The following SRP72 variants were observed in gnomAD, a reference collection of about 807,000 sequenced individuals.
SRP72 encodes signal recognition particle 72.
In SRP72, 49 loss-of-function variants were observed where a neutral mutation model predicts 96.3. The observed-to-expected ratio is 0.51, with a 90% CI of 0.40 to 0.65. The LOEUF is 0.65. Among genes scored for constraint, SRP72 ranks in the 30% least tolerant of loss-of-function variants. The pLI is 0.00. For synonymous variants in SRP72, 267 were observed against 275.2 expected, an observed-to-expected ratio of 0.97 and a Z score of 0.30; for missense variants, 736 against 793.3, an observed-to-expected ratio of 0.93 and a Z score of 0.87.
At chr4:56,482,784 G>A (rs2110121154) in intron 8 of SRP72, among the ~76,000 whole-genome samples, 1 of 152,222 alleles carries the variant, frequency 6.6e-6, no homozygotes, top group South Asian at 2.1e-4. Context: ...CTCAAAACAA[G>A]CAATTAATAG....
At chr4:56,472,385 T>G (rs4865104) in intron 3 of SRP72, among the ~76,000 whole-genome samples, 53,537 of 148,008 alleles carry the variant, frequency 0.36, 10,314 homozygotes, top group East Asian at 0.66. Flanking sequence ...TCTCTCTGTT[T>G]CCCAGGCTGG....
chr4:56,472,622 C>A (rs935649853), intron 3 of SRP72, among the ~76,000 whole-genome samples: 8 of 152,078 alleles, frequency 5.3e-5, no homozygotes, highest in African/African-American at 1.4e-4. Context: ...ACTGGGATTA[C>A]AGGTGTAAGC....
intron 16 of SRP72, among the ~76,000 whole-genome samples, chr4:56,493,386 G>A (rs997246924): frequency 6.6e-6 from 1 of 152,046 alleles, no homozygotes; most frequent in African/African-American, 2.4e-5. Flanking sequence ...GACTTTTTAA[G>A]CTTTTAAGTT....
At position 56,486,341 on chromosome 4, in the gene SRP72, A is replaced by C; in HGVS notation, c.1103A>C (p.His368Pro). The C allele has an allele frequency of 6.2e-7, 1 of 1,605,796 alleles. No homozygotes were observed. The highest frequency in any genetic ancestry group is 8.5e-7 in the Non-Finnish European group (1 of 1,174,874). Residue 368 changes from histidine (H) to proline (P), a missense_variant, in exon 11 of 19, where the codon CAT (histidine) becomes CCT (proline). Coordinates refer to ENST00000642900, the MANE Select transcript of SRP72 (RefSeq NM_006947.4). Reference sequence around the variant, plus strand: ...AAAATTTAGGAATTTTCAGATCAGCATCCAGAAAATGCAGCTGAAATTAAG... The same window carrying C: ...AAAATTTAGGAATTTTCAGATCAGCCTCCAGAAAATGCAGCTGAAATTAAG... ...IELLQEFSDQ[H>P]PENAAEIKLT...
Position 56,469,701 on chromosome 4 carries a change from T to A in SRP72, c.158T>A (p.Val53Glu). ...DDVTALHCKV[V>E]CLIQNGSFKE... ...GTAACTGCCCTGCATTGTAAAGTGG[T>A]ATGCCTTATCCAGAATGGAAGTTTC... Residue 53 changes from valine to glutamate, a missense_variant, in exon 2 of 19, where the codon GTA becomes GAA. Physicochemically the swap from Val to Glu is moderately radical, Grantham distance 121. Around this residue, in one of 3 missense-constraint regions of SRP72, gnomAD observed 329 missense variants for 319.0 expected, o/e 1.03. Transcript: ENST00000642900. 1 of 1,612,794 alleles carries A rather than the reference T, an allele frequency of 6.2e-7. No individual in the cohort carries two copies. The highest frequency in any genetic ancestry group is 8.5e-7 in the Non-Finnish European group (1 of 1,179,044).
chr4:56,495,366 T>C lies in SRP72; in HGVS notation c.1650T>C (p.Asp550=), dbSNP rs202073540. 354 of 1,496,242 alleles carry C rather than the reference T, an allele frequency of 2.4e-4. 5 individuals are homozygous for C. The South Asian group carries it at 4.0e-3, about 17-fold the overall frequency. The allele number at this position is 1,496,242 out of a possible 1,614,324, so 92.7% of individuals were successfully genotyped here. The change falls in exon 17 of 19, where the codon GAT becomes GAC. Residue 550 remains aspartate (D), a synonymous_variant. Coordinates refer to ENST00000642900, the MANE Select transcript of SRP72 (RefSeq NM_006947.4). ...TTTTTTCTCTTTGTAGACAGGGAGA[T>C]TTGAAAAAGAAGAAAAAGAAAAAGA... ...DSQPKEQGQG[D]LKKKKKKKKG... is the part of the protein sequence containing the mutation.
chr4:56,482,591 G>T (rs1028285194), intron 8 of SRP72, among the ~76,000 whole-genome samples: 1 of 152,068 alleles, frequency 6.6e-6, no homozygotes, highest in East Asian at 1.9e-4. Context: ...TTGCTTTATT[G>T]CGGTAGTCTG....
intron 16 of SRP72, among the ~76,000 whole-genome samples, chr4:56,493,307 A>C (rs1022108834): frequency 6.6e-5 from 10 of 151,402 alleles, no homozygotes; most frequent in African/African-American, 2.4e-4. Flanking sequence ...AAGTGCTGGG[A>C]TTACAGGCAT....
chr4:56,495,255 A>G, intron 16 of SRP72, 102 bp from the exon 17 acceptor site: 1 of 665,086 alleles, frequency 1.5e-6, no homozygotes, highest in Non-Finnish European at 2.4e-6. Context: ...GTCTTAAACC[A>G]TGTTTATGAT....
At chr4:56,470,243 T>C (rs1412449503) in intron 2 of SRP72, among the ~76,000 whole-genome samples, 1 of 152,208 alleles carries the variant, frequency 6.6e-6, no homozygotes, top group Non-Finnish European at 1.5e-5. Flanking sequence ...TATATATGCA[T>C]TTGCCTGTAT....
chr4:56,487,820 C>T (rs561026812), intron 11 of SRP72, 129 bp from the exon 12 acceptor site: 6 of 657,888 alleles, frequency 9.1e-6, no homozygotes, highest in Non-Finnish European at 1.6e-5. Context: ...ATATGTTTAG[C>T]GATGTTACAA....
chr4:56,494,655 T>G (rs879928857), intron 16 of SRP72, among the ~76,000 whole-genome samples: 5 of 152,140 alleles, frequency 3.3e-5, no homozygotes, highest in Non-Finnish European at 5.9e-5. Context: ...CCACCTGCCT[T>G]GGCCTCCCAT....
At position 56,500,689 on chromosome 4, in the gene SRP72, C is replaced by T; in HGVS notation, c.1832C>T (p.Ser611Phe). The change falls in exon 18 of 19, where the codon TCT (serine) becomes TTT (phenylalanine). Residue 611 changes from serine to phenylalanine, a missense_variant. By Grantham distance (155) the Ser-to-Phe change is radical (BLOSUM62 -2). This residue lies in a region of SRP72 where 388 missense variants were observed against 431.8 expected (regional missense o/e 0.90). Coordinates refer to ENST00000642900, the MANE Select transcript of SRP72 (RefSeq NM_006947.4). ...GTQGATAGAS[S>F]ELDASKTVSS... ...CAGGGAGCAACTGCAGGAGCTTCATCTGAACTGTAAGTTATTGCTCCACAA... is the reference window on the plus strand; with the variant it reads ...CAGGGAGCAACTGCAGGAGCTTCATTTGAACTGTAAGTTATTGCTCCACAA... 6.2e-7 allele frequency: 1 copy of T among 1,613,058 alleles called. No individual in the cohort carries two copies. Among genetic ancestry groups the T allele is most frequent in the Non-Finnish European group, 8.5e-7 (1 of 1,179,536 alleles).
At chr4:56,486,256 A>T in intron 10 of SRP72, 69 bp from the exon 11 acceptor site, 1 of 1,111,940 alleles carries the variant, frequency 9.0e-7, no homozygotes, top group Non-Finnish European at 1.3e-6. Context: ...GTAGCTAAGT[A>T]ATTGTAATGT....
chr4:56,483,394 A>T, intron 9 of SRP72, 124 bp downstream of exon 9: 1 of 966,570 alleles, frequency 1.0e-6, no homozygotes. Context: ...TCATAAATAT[A>T]TTTTTTTGCC....
chr4:56,479,338 CCTGT>C (rs1459466495), intron 8 of SRP72, among the ~76,000 whole-genome samples: 1 of 151,948 alleles, frequency 6.6e-6, no homozygotes, highest in Non-Finnish European at 1.5e-5. Context: ...CGCCACCATG[CCTGT>C]CTAATTTTTC....
At chr4:56,491,343 T>C in intron 15 of SRP72, 88 bp from the exon 16 acceptor site, 2 of 1,442,352 alleles carry the variant, frequency 1.4e-6, no homozygotes, top group Non-Finnish European at 1.9e-6. Context: ...AGTCTTCCAG[T>C]GTCAATAGAT....
At chr4:56,473,738 C>T (rs986226862) in intron 3 of SRP72, among the ~76,000 whole-genome samples, 2 of 151,270 alleles carry the variant, frequency 1.3e-5, no homozygotes, top group South Asian at 2.1e-4. Flanking sequence ...GCTCTCCAGT[C>T]TAGGCAACAA....
chr4:56,484,860 T>G lies in SRP72; in HGVS notation c.1082T>G (p.Leu361Arg). ...EKQHTKAIEL[L>R]QEFSDQHPEN... ...CAGCACACAAAAGCAATAGAGCTGCTTCAGGTAAAATAATTACTTGAATGA... is the reference window on the plus strand; with the variant it reads ...CAGCACACAAAAGCAATAGAGCTGCGTCAGGTAAAATAATTACTTGAATGA... Residue 361 changes from leucine (L) to arginine (R), a missense_variant, in exon 10 of 19, where the codon CTT becomes CGT. Leu to Arg is a moderately radical substitution (Grantham distance 102, BLOSUM62 -2). Transcript: ENST00000642900. The G allele has an allele frequency of 6.2e-7, 1 of 1,608,048 alleles. No homozygotes were observed. The highest frequency in any genetic ancestry group is 1.1e-5 in the South Asian group (1 of 89,114).
Sources: gnomAD v4.1 joint callset for allele counts (sites outside exome capture counted in the v4.1 genomes callset) on GRCh38, gnomAD v4.1.1 for gene constraint, gnomAD v4.1.1 regional missense constraint, MANE v1.5 for transcripts, NCBI Gene and HGNC (gene_info 2026-07-23, HGNC 2026-07-21) for gene names.